The following RP1L1 variants were observed in gnomAD, a reference collection of about 807,000 sequenced individuals.
RP1L1 encodes the protein RP1 like 1.
A neutral mutation model predicts 15.7 loss-of-function variants in RP1L1; 27 were observed. The observed-to-expected ratio is 1.72, with a 90% CI of 1.27 to 2.38. RP1L1 has a LOEUF of 2.38. Ranked by LOEUF, RP1L1 falls within the 30% of genes most tolerant of loss-of-function variation. The probability of loss-of-function intolerance (pLI) is 0.00; values close to 1 mark genes in which losing one functional copy is unlikely to be tolerated. For synonymous variants in RP1L1, 1,813 were observed against 1,276.7 expected (o/e 1.42, Z -8.96); for missense variants, 4,798 against 3,075.9 (o/e 1.56, Z -13.24).
chr8:10,618,878 G>GTTTT (rs1449354828), intron 2 of RP1L1, among the ~76,000 whole-genome samples: 1 of 151,864 alleles, frequency 6.6e-6, no homozygotes, highest in Admixed American at 6.6e-5. Flanking sequence ...TTGTTTGTTT[G>GTTTT]TTTTCTGAGA....
intron 1 of RP1L1, among the ~76,000 whole-genome samples, chr8:10,626,886 T>C (rs1317545546): frequency 6.6e-6 from 1 of 152,124 alleles, no homozygotes; most frequent in Non-Finnish European, 1.5e-5. Context: ...TCCAACCTGA[T>C]AGGTCAGGCC....
intron 1 of RP1L1, among the ~76,000 whole-genome samples, chr8:10,631,294 CAA>C (rs2117241601): frequency 6.8e-6 from 1 of 147,716 alleles, no homozygotes; most frequent in Non-Finnish European, 1.5e-5. Context: ...CACACGCACA[CAA>C]ACACGCATGC....
intron 1 of RP1L1, among the ~76,000 whole-genome samples, chr8:10,651,519 G>C (rs527662717): frequency 4.6e-5 from 7 of 152,282 alleles, no homozygotes; most frequent in Admixed American, 3.9e-4. Context: ...ACGGGTTCAA[G>C]AGATTGAGAC....
chr8:10,653,459 A>AACACACACACAC (rs57172931), intron 1 of RP1L1, among the ~76,000 whole-genome samples: 3,289 of 148,720 alleles, frequency 0.022, 87 homozygotes, highest in Admixed American at 0.049. Flanking sequence ...GTCTCCCTCC[A>AACACACACACAC]ACACACACAC....
At position 10,608,563 on chromosome 8, in the gene RP1L1, C is replaced by T. The variant is rs774999252; in HGVS notation, c.5535G>A (p.Gln1845=). The change falls in exon 4 of 4, where the codon CAG becomes CAA. Residue 1845 remains glutamine (Q), a synonymous_variant. Coordinates refer to ENST00000382483, the MANE Select transcript of RP1L1 (RefSeq NM_178857.6). ...IEAPEAEGEA[Q]PESEGVEAPE... ...GGGCCTCTACACCTTCTGACTCTGG[C>T]TGGGCCTCCCCTTCAGCCTCCGGGG... The T allele has an allele frequency of 6.2e-7, 1 of 1,610,822 alleles. No homozygotes were observed. The highest frequency in any genetic ancestry group is 8.5e-7 in the Non-Finnish European group (1 of 1,177,592).
chr8:10,641,249 C>G (rs929393165), intron 1 of RP1L1, among the ~76,000 whole-genome samples: 7 of 152,206 alleles, frequency 4.6e-5, no homozygotes, highest in Admixed American at 4.6e-4. Context: ...ACAGACATGA[C>G]ATGTGTGTCA....
At position 10,609,582 on chromosome 8, in the gene RP1L1, CCG is replaced by C. The variant is rs1331265509; in HGVS notation, c.4514_4515del (p.Ser1505CysfsTer35). ...PTQGAAERSS[S>X]VACSAALDCD... ...CAGTCCAGAGCCGCGCTGCAGGCCA[CCG>C]AAGAGCTCCTCTCTGCAGCCCCCTG... On this transcript the variant is annotated frameshift_variant, in exon 4 of 4. Transcript: ENST00000382483. LOFTEE classifies it low-confidence loss of function (END_TRUNC). 6.2e-6 allele frequency: 10 copies of C among 1,603,798 alleles called. No homozygotes were observed. In the South Asian group the frequency reaches 1.1e-4, roughly 18 times the overall value.
intron 2 of RP1L1, chr8:10,621,810 A>C: frequency 2.1e-6 from 1 of 485,538 alleles, no homozygotes; most frequent in Non-Finnish European, 4.1e-6. Flanking sequence ...ATGTCCTTGA[A>C]CTCAATAATC....
Position 10,608,717 on chromosome 8 carries a change from C to A in RP1L1, c.5381G>T (p.Gly1794Val), listed in dbSNP as rs753376361. The A allele has an allele frequency of 6.2e-7, 1 of 1,614,246 alleles. No homozygotes were observed. The highest frequency in any genetic ancestry group is 8.5e-7 in the Non-Finnish European group (1 of 1,180,056). Residue 1794 changes from glycine to valine, a missense_variant, in exon 4 of 4, where the codon GGA (glycine) becomes GTA (valine). Physicochemically the swap from Gly to Val is moderately radical, Grantham distance 109. Coordinates refer to ENST00000382483, the MANE Select transcript of RP1L1 (RefSeq NM_178857.6). ...GSELGEAEQE[G>V]EGISERGETG... Reference sequence around the variant, plus strand: ...TTCTCCCCTTTCACTTATGCCCTCTCCCTCCTGCTCAGCTTCCCCCAACTC... The same window carrying A: ...TTCTCCCCTTTCACTTATGCCCTCTACCTCCTGCTCAGCTTCCCCCAACTC...
At position 10,613,155 on chromosome 8, in the gene RP1L1, T is replaced by C. The variant is rs374754163; in HGVS notation, c.943A>G (p.Met315Val). ...AGDDMKKKVR[M>V]NEDGSLSVEM... ...ACGGACAGGCTGCCGTCCTCATTCA[T>C]GCGGACCTTCTTCTTCATGTCATCG... The change falls in exon 4 of 4, where the codon ATG becomes GTG. Residue 315 changes from methionine to valine, a missense_variant. Physicochemically the swap from Met to Val is conservative, Grantham distance 21 (BLOSUM62 1). Transcript: ENST00000382483. 2.7e-5 allele frequency: 43 copies of C among 1,613,736 alleles called. No individual in the cohort carries two copies. The highest frequency in any genetic ancestry group is 2.1e-4 in the African/African-American group (16 of 74,946).
chr8:10,613,477 G>C, intron 3 of RP1L1, 131 bp from the exon 4 acceptor site: 1 of 1,328,470 alleles, frequency 7.5e-7, no homozygotes, highest in Non-Finnish European at 1.0e-6. Flanking sequence ...AAAATGCACG[G>C]TGACAGCTGT....
At position 10,611,664 on chromosome 8, in the gene RP1L1, G is replaced by A. The variant is rs761665772; in HGVS notation, c.2434C>T (p.Arg812Trp). The change falls in exon 4 of 4, where the codon CGG becomes TGG. Residue 812 changes from arginine (R) to tryptophan (W), a missense_variant. Physicochemically the swap from Arg to Trp is moderately radical, Grantham distance 101. Transcript: ENST00000382483. The part of the protein sequence containing the change: ...PSSPLVLQVG[R>W]PEQGAVGPHR... ...GGGCCCACCGCCCCTTGCTCAGGCC[G>A]TCCAACCTGCAGAACCAAGGGTGAG... The A allele has an allele frequency of 1.9e-5, 30 of 1,613,116 alleles. No individual in the cohort carries two copies. Among genetic ancestry groups the A allele is most frequent in the Middle Eastern group, 3.3e-4 (2 of 6,084 alleles).
At chr8:10,647,849 A>G (rs551509866) in intron 1 of RP1L1, among the ~76,000 whole-genome samples, 49 of 152,342 alleles carry the variant, frequency 3.2e-4, no homozygotes, top group African/African-American at 1.2e-3. Flanking sequence ...TCTTCTGGGC[A>G]TATACCTAGA....
chr8:10,610,835 G>A lies in RP1L1; in HGVS notation c.3263C>T (p.Ala1088Val), dbSNP rs200477735. Residue 1088 changes from alanine (A) to valine (V), a missense_variant, in exon 4 of 4, where the codon GCG becomes GTG. Ala to Val is a moderately conservative substitution (Grantham distance 64). Coordinates refer to ENST00000382483, the MANE Select transcript of RP1L1 (RefSeq NM_178857.6). Reference protein sequence around the residue: ...RVSASTQIMRALMGSKQGRPS... With the variant: ...RVSASTQIMRVLMGSKQGRPS... ...CCGGCCCTGCTTGGAGCCCATCAGCGCCCTCATGATCTGCGTGGAGGCAGA... is the reference window on the plus strand; with the variant it reads ...CCGGCCCTGCTTGGAGCCCATCAGCACCCTCATGATCTGCGTGGAGGCAGA... 2.7e-3 allele frequency: 4,304 copies of A among 1,607,588 alleles called. 19 individuals are homozygous for A. Among genetic ancestry groups the A allele is most frequent in the South Asian group, 6.8e-3 (618 of 90,904 alleles).
intron 1 of RP1L1, among the ~76,000 whole-genome samples, chr8:10,638,826 G>A (rs1342070571): frequency 4.6e-5 from 7 of 152,108 alleles, no homozygotes; most frequent in Non-Finnish European, 8.8e-5. Flanking sequence ...TGGGACCCAC[G>A]TTCTTGCCTC....
intron 1 of RP1L1, among the ~76,000 whole-genome samples, chr8:10,643,586 GA>G (rs962022833): frequency 6.0e-5 from 9 of 150,910 alleles, no homozygotes; most frequent in African/African-American, 1.2e-4. Flanking sequence ...TACTGGAAAA[GA>G]AAAAAAAATA....
rs767953685 is a variant in RP1L1 at position 10,609,776 on chromosome 8, G to T, written c.4322C>A (p.Pro1441Gln). The T allele has an allele frequency of 1.2e-6, 2 of 1,613,608 alleles. No homozygotes were observed. Among genetic ancestry groups the T allele is most frequent in the Non-Finnish European group, 1.7e-6 (2 of 1,179,672 alleles). The change falls in exon 4 of 4, where the codon CCG becomes CAG. Residue 1441 changes from proline to glutamine, a missense_variant. Coordinates refer to ENST00000382483, the MANE Select transcript of RP1L1 (RefSeq NM_178857.6). ...TTCCTCTGTGCCCTCTGCGGGGCAC[G>T]GCTCTGCAGAGGCAGAGGCTCTTCC... The part of the protein sequence containing the change: ...EAGRASASAE[P>Q]CPAEGTEEPT...
chr8:10,641,684 A>G (rs933818374), intron 1 of RP1L1, among the ~76,000 whole-genome samples: 2 of 152,222 alleles, frequency 1.3e-5, no homozygotes, highest in African/African-American at 2.4e-5. Context: ...AGAAATGAAA[A>G]CTTAAGTTCA....
chr8:10,617,564 T>C (rs1797989821), intron 2 of RP1L1, among the ~76,000 whole-genome samples: 2 of 128,944 alleles, frequency 1.6e-5, no homozygotes, highest in Non-Finnish European at 3.3e-5. Context: ...TTTTTTTTTT[T>C]TTTTTTTTTT....
Sources: allele counts gnomAD v4.1 joint callset (sites outside exome capture counted in the v4.1 genomes callset), GRCh38; gene constraint gnomAD v4.1.1; transcripts MANE v1.5; gene names NCBI Gene and HGNC (gene_info 2026-07-23, HGNC 2026-07-21).